NCKAP1: variants seen among roughly 807,000 people sequenced by gnomAD.
NCKAP1 encodes the protein nck-associated protein 1.
Under a neutral mutation model 151.2 loss-of-function variants are expected in NCKAP1, and 21 were observed. That is an observed-to-expected ratio of 0.14 (90% CI 0.10 to 0.20). The LOEUF (loss-of-function observed/expected upper bound fraction) is 0.20. NCKAP1 is among the 10% of genes least tolerant of loss of function. The pLI is 1.00. For missense variants in NCKAP1, 933 were observed against 1,352.1 expected (o/e 0.69, Z 4.86); for synonymous variants, 484 against 451.8 (o/e 1.07, Z -0.90).
At chr2:182,926,038 T>G (rs1215965528) in intron 30 of NCKAP1, among the ~76,000 whole-genome samples, 1 of 152,064 alleles carries the variant, frequency 6.6e-6, no homozygotes, top group Non-Finnish European at 1.5e-5. Context: ...AAGAGCTACT[T>G]TTCAATTAAA....
intron 15 of NCKAP1, among the ~76,000 whole-genome samples, chr2:182,967,640 G>C (rs1429124822): frequency 6.6e-6 from 1 of 152,090 alleles, no homozygotes; most frequent in East Asian, 1.9e-4. Context: ...TATCAAAAGT[G>C]TAAAACAATT....
At chr2:182,953,703 C>A (rs543356015) in intron 20 of NCKAP1, among the ~76,000 whole-genome samples, 23 of 152,026 alleles carry the variant, frequency 1.5e-4, no homozygotes, top group Non-Finnish European at 2.9e-4. Context: ...GAGGTTGAGA[C>A]AGGAGAATCG....
chr2:182,996,143 C>A (rs1698263760), intron 6 of NCKAP1, among the ~76,000 whole-genome samples: 1 of 152,210 alleles, frequency 6.6e-6, no homozygotes, highest in Non-Finnish European at 1.5e-5. Context: ...AAGGGATAGA[C>A]AGCCCACTGT....
At chr2:182,984,892 A>C (rs548363276) in intron 10 of NCKAP1, among the ~76,000 whole-genome samples, 39 of 152,292 alleles carry the variant, frequency 2.6e-4, no homozygotes, top group Non-Finnish European at 4.7e-4. Context: ...CTTATATTTT[A>C]TTTAATAAAC....
Position 182,982,947 on chromosome 2 carries a change from T to C in NCKAP1, c.1102-20A>G, listed in dbSNP as rs1697971392. The C allele has an allele frequency of 6.5e-7, 1 of 1,533,072 alleles. No homozygotes were observed. The highest frequency in any genetic ancestry group is 1.4e-5 in the African/African-American group (1 of 71,754). 95.0% of individuals were successfully genotyped at this position (1,533,072 alleles called of 1,614,324 possible). On this transcript the variant is annotated intron_variant, in intron 11 of 30. Transcript: ENST00000361354. ...AAGTGCCTGTTTAAAAAAAAGTAAG[T>C]GTTTATTCTTATTCAAAGATTAAAA...
At chr2:182,982,367 A>G (rs983757331) in intron 12 of NCKAP1, among the ~76,000 whole-genome samples, 29 of 152,208 alleles carry the variant, frequency 1.9e-4, no homozygotes, top group Non-Finnish European at 2.9e-5. Flanking sequence ...CAGATTCCCC[A>G]GCCCACAAAT....
chr2:182,964,268 T>C lies in NCKAP1; in HGVS notation c.1761+408A>G, dbSNP rs546056468. Among the ~76,000 whole-genome samples the C allele has an allele frequency of 3.3e-5, 5 of 152,270 alleles. No homozygotes were observed. In the South Asian group the frequency reaches 1.0e-3, roughly 32 times the overall value. Reference sequence around the variant, plus strand: ...TTTTGCTTAATATATTTATTAACAATTTAGTAATAATAAGTTAGTGAATCT... The same window carrying C: ...TTTTGCTTAATATATTTATTAACAACTTAGTAATAATAAGTTAGTGAATCT... On this transcript the variant is annotated intron_variant, in intron 17 of 30. Transcript: ENST00000361354.
chr2:182,928,317 T>C, intron 28 of NCKAP1, 91 bp from the exon 29 acceptor site: 2 of 846,784 alleles, frequency 2.4e-6, no homozygotes, highest in Non-Finnish European at 3.7e-6. Flanking sequence ...TCTGCATAAA[T>C]AGGGGCATAA....
intron 15 of NCKAP1, among the ~76,000 whole-genome samples, chr2:182,973,969 T>G (rs1697751530): frequency 6.6e-6 from 1 of 152,192 alleles, no homozygotes; most frequent in Non-Finnish European, 1.5e-5. Context: ...TTTTACATTT[T>G]TTATGCTTTG....
In NCKAP1 at chr2:182,913,211, C is replaced by T. The variant is rs547346630; in HGVS notation, c.*12491G>A. ...ATGTACATGCCAAGCATTTAGGACA[C>T]TATGTCCTGTGTATTTATTGATTCA... is the stretch of plus-strand genomic sequence containing the variant. On this transcript the variant is annotated 3_prime_UTR_variant, in exon 31 of 31. Transcript: ENST00000361354. 1 of 152,196 alleles carries T rather than the reference C, an allele frequency of 6.6e-6. No individual in the cohort carries two copies. Among genetic ancestry groups the T allele is most frequent in the Non-Finnish European group, 1.5e-5 (1 of 68,044 alleles). The allele number at this position is 152,196 out of a possible 1,614,324, so 9.4% of individuals were successfully genotyped here.
Position 182,994,845 on chromosome 2 carries a change from T to A in NCKAP1, c.784A>T (p.Ile262Phe). The A allele has an allele frequency of 6.2e-7, 1 of 1,604,728 alleles. No individual in the cohort carries two copies. Among genetic ancestry groups the A allele is most frequent in the African/African-American group, 1.3e-5 (1 of 74,806 alleles). The change falls in exon 8 of 31, where the codon ATT becomes TTT. Residue 262 changes from isoleucine (I) to phenylalanine (F), a missense_variant. Ile to Phe is a conservative substitution (Grantham distance 21, BLOSUM62 0). Transcript: ENST00000361354. The stretch of plus-strand genomic sequence containing the variant: ...ACTAACCCATTTTACTTACAGATAA[T>A]CCACTTTTCCATTGCATCCAAAGAG... Reference protein sequence around the residue: ...YLSLDAMEKWIIFGFILCHGI... With the variant: ...YLSLDAMEKWFIFGFILCHGI...
At position 182,912,849 on chromosome 2, in the gene NCKAP1, A is replaced by AAGGG. The variant is rs1553507195; in HGVS notation, c.*12852_*12853insCCCT. ...CAAAACCAAAGAAAGATAGAGGAAG[A>AAGGG]AAGGAAGGAAGGAAGGAAGGAAGGA... On this transcript the variant is annotated 3_prime_UTR_variant, in exon 31 of 31. Coordinates refer to ENST00000361354, the MANE Select transcript of NCKAP1 (RefSeq NM_013436.5). 1 of 133,472 alleles carries AAGGG rather than the reference A, an allele frequency of 7.5e-6. No individual in the cohort carries two copies. Among genetic ancestry groups the AAGGG allele is most frequent in the East Asian group, 2.4e-4 (1 of 4,112 alleles). The allele number at this position is 133,472 out of a possible 1,614,324, so 8.3% of individuals were successfully genotyped here.
chr2:182,925,902 A>G, intron 30 of NCKAP1, 84 bp from the exon 31 acceptor site: 1 of 620,984 alleles, frequency 1.6e-6, no homozygotes, highest in Non-Finnish European at 2.7e-6. Context: ...TAATGGGAAC[A>G]TTTATTGACA....
chr2:182,956,627 C>A, intron 19 of NCKAP1, 34 bp from the exon 20 acceptor site: 1 of 1,570,890 alleles, frequency 6.4e-7, no homozygotes, highest in Admixed American at 1.9e-5. Flanking sequence ...AAAATGTTCA[C>A]ATGTCATCAC....
intron 2 of NCKAP1, among the ~76,000 whole-genome samples, chr2:183,020,494 A>G (rs946931546): frequency 6.6e-6 from 1 of 151,712 alleles, no homozygotes; most frequent in Admixed American, 6.6e-5. Flanking sequence ...AAAAAAGAAA[A>G]AAAAATTTAT....
At chr2:182,967,529 C>T (rs1421660622) in intron 15 of NCKAP1, among the ~76,000 whole-genome samples, 168 bp from the exon 16 acceptor site, 2 of 152,084 alleles carry the variant, frequency 1.3e-5, no homozygotes, top group Non-Finnish European at 2.9e-5. Context: ...CTTGAAATTC[C>T]TATCAAGAAT....
intron 19 of NCKAP1, 198 bp from the exon 20 acceptor site, chr2:182,956,791 G>T: frequency 4.0e-6 from 2 of 500,764 alleles, no homozygotes; most frequent in African/African-American, 2.0e-5. Flanking sequence ...GGCGTCATTT[G>T]TTTCTACCTT....
chr2:183,026,667 T>G (rs543500248), intron 1 of NCKAP1, among the ~76,000 whole-genome samples: 1 of 152,298 alleles, frequency 6.6e-6, no homozygotes, highest in East Asian at 1.9e-4. Context: ...GTTTCAATTT[T>G]CATGACTTAC....
chr2:183,000,167 TG>T (rs1183360506), intron 6 of NCKAP1, among the ~76,000 whole-genome samples: 5 of 152,056 alleles, frequency 3.3e-5, no homozygotes, highest in African/African-American at 1.2e-4. Flanking sequence ...AAACAAACCC[TG>T]GCAAATAAAA....
Sources: gnomAD v4.1 joint callset for allele counts (sites outside exome capture counted in the v4.1 genomes callset) on GRCh38, gnomAD v4.1.1 for gene constraint, MANE v1.5 for transcripts, NCBI Gene and HGNC (gene_info 2026-07-23, HGNC 2026-07-21) for gene names.